The following MCCC2 variants were observed in gnomAD, a reference collection of about 807,000 sequenced individuals.
MCCC2 encodes methylcrotonoyl-CoA carboxylase beta chain, mitochondrial.
MCCC2 carries 52 observed loss-of-function variants against 77.2 expected under a neutral mutation model. The observed-to-expected ratio is 0.67, with a 90% CI of 0.54 to 0.85. The LOEUF (loss-of-function observed/expected upper bound fraction) is 0.85. Ranked by LOEUF, MCCC2 falls within the 40% of genes least tolerant of loss-of-function variation. MCCC2 has a pLI of 0.00. For missense variants in MCCC2, 682 were observed against 703.2 expected (o/e 0.97, Z 0.34); for synonymous variants, 253 against 248.4 (o/e 1.02, Z -0.18).
intron 4 of MCCC2, among the ~76,000 whole-genome samples, chr5:71,600,159 G>A (rs1401389068): frequency 6.6e-6 from 1 of 151,290 alleles, no homozygotes; most frequent in African/African-American, 2.4e-5. Flanking sequence ...GCAAGACTCC[G>A]TCTCAAAAAA....
intron 13 of MCCC2, among the ~76,000 whole-genome samples, chr5:71,646,518 T>C (rs766465551): frequency 1.3e-4 from 20 of 152,156 alleles, no homozygotes; most frequent in Non-Finnish European, 2.9e-4. Flanking sequence ...TGTGCCACCA[T>C]GCCTGGTTAA....
intron 11 of MCCC2, 37 bp from the exon 12 acceptor site, chr5:71,643,782 G>A (rs747334749): frequency 4.3e-6 from 7 of 1,613,904 alleles, no homozygotes; most frequent in Non-Finnish European, 5.9e-6. Flanking sequence ...CCTTGGAAAA[G>A]CACAAGACAT....
intron 14 of MCCC2, among the ~76,000 whole-genome samples, chr5:71,649,658 T>C (rs1313973589): frequency 6.6e-6 from 1 of 152,188 alleles, no homozygotes; most frequent in Non-Finnish European, 1.5e-5. Flanking sequence ...AAGGACATAA[T>C]GAAGAGCAGA....
rs556287668 is a variant in MCCC2, at chr5:71,602,775, T to C, written c.511+142T>C. Reference sequence around the variant, plus strand: ...GTAATTATAAAGGAAACACAGGTTCTTTGCTGAAAACTCTGGGGGAAAGTA... The same window carrying C: ...GTAATTATAAAGGAAACACAGGTTCCTTGCTGAAAACTCTGGGGGAAAGTA... On this transcript the variant is annotated intron_variant, in intron 5 of 16. Transcript: ENST00000340941. 15 of 1,266,700 alleles carry C rather than the reference T, an allele frequency of 1.2e-5. 1 individual carries two copies. In the South Asian group the frequency reaches 2.0e-4, roughly 17 times the overall value. The allele number at this position is 1,266,700 out of a possible 1,614,324, so 78.5% of individuals were successfully genotyped here. A position where few individuals can be genotyped will look rare whatever the true frequency, so the allele number is the denominator to read the frequency against.
intron 10 of MCCC2, among the ~76,000 whole-genome samples, chr5:71,640,048 T>C (rs868464757): frequency 3.9e-4 from 60 of 152,206 alleles, no homozygotes; most frequent in Non-Finnish European, 8.8e-5. Context: ...ATTGAAAATA[T>C]GCTTCCTGTT....
In MCCC2 at chr5:71,604,359, A is replaced by AT. The variant is rs587776533; in HGVS notation, c.517dup (p.Ser173PhefsTer25). 34 of 1,613,758 alleles carry AT rather than the reference A, an allele frequency of 2.1e-5. No individual in the cohort carries two copies. Among genetic ancestry groups the AT allele is most frequent in the Non-Finnish European group, 2.8e-5 (33 of 1,179,788 alleles). ...GTTTCTCATTTCTTGTCTTCAGTTG[A>AT]TTCGGGAGGAGCATACTTACCTCGA... On this transcript the variant is annotated frameshift_variant, in exon 6 of 17. Coordinates refer to ENST00000340941, the MANE Select transcript of MCCC2 (RefSeq NM_022132.5). LOFTEE classifies it high-confidence loss of function.
chr5:71,656,356 G>A (rs562989938), intron 16 of MCCC2, among the ~76,000 whole-genome samples: 32 of 152,312 alleles, frequency 2.1e-4, no homozygotes, highest in African/African-American at 7.0e-4. Flanking sequence ...CTGGGTATAT[G>A]TGGTTCTGCA....
chr5:71,588,462 A>C (rs1744846702), intron 1 of MCCC2, among the ~76,000 whole-genome samples: 1 of 152,210 alleles, frequency 6.6e-6, no homozygotes, highest in Non-Finnish European at 1.5e-5. Flanking sequence ...AGTGCAAACA[A>C]CACACAATTG....
intron 7 of MCCC2, among the ~76,000 whole-genome samples, chr5:71,631,803 G>A (rs779154899): frequency 1.3e-4 from 20 of 151,984 alleles, no homozygotes; most frequent in East Asian, 5.8e-4. Flanking sequence ...GCCTCCCAAA[G>A]TGCTGGGATT....
At chr5:71,656,603 T>C (rs1747587687) in intron 16 of MCCC2, 140 bp from the exon 17 acceptor site, 1 of 763,656 alleles carries the variant, frequency 1.3e-6, no homozygotes, top group Admixed American at 1.7e-5. Flanking sequence ...GTTTCTGTTG[T>C]GAGATTATGG....
intron 8 of MCCC2, among the ~76,000 whole-genome samples, chr5:71,632,739 G>A (rs1746763189): frequency 6.6e-6 from 1 of 152,108 alleles, no homozygotes; most frequent in Admixed American, 6.5e-5. Flanking sequence ...CTGATTTCAG[G>A]CTGCCAACAT....
At position 71,649,114 on chromosome 5, in the gene MCCC2, G is replaced by C; in HGVS notation, c.1234G>C (p.Glu412Gln). ...QNITGFMVGREYEAEGIAKDG... is the reference protein window; with the variant it reads ...QNITGFMVGRQYEAEGIAKDG... ...TCTCTCAGGATTTATGGTTGGTAGA[G>C]AGTATGAAGCTGAAGGAATTGCCAA... Residue 412 changes from glutamate to glutamine, a missense_variant, in exon 14 of 17, where the codon GAG (glutamate) becomes CAG (glutamine). By Grantham distance (29) the Glu-to-Gln change is conservative. Transcript: ENST00000340941. The C allele has an allele frequency of 1.2e-6, 2 of 1,614,252 alleles. No individual in the cohort carries two copies. Among genetic ancestry groups the C allele is most frequent in the Non-Finnish European group, 1.7e-6 (2 of 1,180,050 alleles).
chr5:71,639,491 G>T (rs933982969), intron 10 of MCCC2, among the ~76,000 whole-genome samples: 3 of 152,062 alleles, frequency 2.0e-5, no homozygotes, highest in Non-Finnish European at 4.4e-5. Context: ...GAACTGAAGA[G>T]AGTTAAGACC....
Position 71,604,483 on chromosome 5 carries a change from A to G in MCCC2, c.624+15A>G. 1.3e-6 allele frequency: 2 copies of G among 1,588,468 alleles called. No individual in the cohort carries two copies. ...ATATTGCACAGGTAATTTTTCATGA[A>G]TAAAGTGTACAGTGGTGCTTTTTAC... On this transcript the variant is annotated intron_variant, in intron 6 of 16. Transcript: ENST00000340941.
At position 71,587,522 on chromosome 5, in the gene MCCC2, A is replaced by G. The variant is rs1182092562; in HGVS notation, c.97A>G (p.Thr33Ala). 2.0e-6 allele frequency: 3 copies of G among 1,537,756 alleles called. No individual in the cohort carries two copies. In the African/African-American group the frequency reaches 4.1e-5, roughly 21 times the overall value. Reference sequence around the variant, plus strand: ...CGGGGACTCGGTGGCCTCGCTGGGCACCCAGCCGGACTTGGGCTCTGCCCT... The same window carrying G: ...CGGGGACTCGGTGGCCTCGCTGGGCGCCCAGCCGGACTTGGGCTCTGCCCT... Reference protein sequence around the residue: ...YHGDSVASLGTQPDLGSALYQ... With the variant: ...YHGDSVASLGAQPDLGSALYQ... Residue 33 changes from threonine to alanine, a missense_variant, in exon 1 of 17, where the codon ACC becomes GCC. Coordinates refer to ENST00000340941, the MANE Select transcript of MCCC2 (RefSeq NM_022132.5).
At position 71,610,276 on chromosome 5, in the gene MCCC2, C is replaced by T. The variant is rs924730304; in HGVS notation, c.624+5808C>T. Among the ~76,000 whole-genome samples the T allele has an allele frequency of 2.0e-5, 3 of 152,222 alleles. No individual in the cohort carries two copies. The South Asian group carries it at 6.2e-4, about 32-fold the overall frequency. The stretch of plus-strand genomic sequence containing the variant: ...TGCGGGATATAATCTCCTGGTGCGC[C>T]GTTTTTTAAGCTGGTCCGAAAAGCG... On this transcript the variant is annotated intron_variant, in intron 6 of 16. Transcript: ENST00000340941.
At chr5:71,622,057 G>A (rs1746367386) in intron 6 of MCCC2, among the ~76,000 whole-genome samples, 1 of 152,100 alleles carries the variant, frequency 6.6e-6, no homozygotes, top group Non-Finnish European at 1.5e-5. Context: ...CAAGGTGGGA[G>A]GATCGCTTGA....
intron 10 of MCCC2, among the ~76,000 whole-genome samples, chr5:71,638,470 G>C (rs978237821): frequency 3.3e-5 from 5 of 152,006 alleles, no homozygotes; most frequent in African/African-American, 1.2e-4. Flanking sequence ...GATTTACTTT[G>C]CCCAGATCTG....
Position 71,613,481 on chromosome 5 carries a change from C to T in MCCC2, c.624+9013C>T, listed in dbSNP as rs1351324516. On this transcript the variant is annotated intron_variant, in intron 6 of 16. Transcript: ENST00000340941. Reference sequence around the variant, plus strand: ...TGACTGAATGACTGTCTTCCTTTTACTTATTTTATTTTTGTTTTTTAAAAA... The same window carrying T: ...TGACTGAATGACTGTCTTCCTTTTATTTATTTTATTTTTGTTTTTTAAAAA... Among the ~76,000 whole-genome samples, 4 of 152,200 alleles carry T rather than the reference C, an allele frequency of 2.6e-5. No homozygotes were observed. The East Asian group carries it at 7.7e-4, about 29-fold the overall frequency.
Sources: gnomAD v4.1 joint callset for allele counts (sites outside exome capture counted in the v4.1 genomes callset) on GRCh38, gnomAD v4.1.1 for gene constraint, MANE v1.5 for transcripts, NCBI Gene and HGNC (gene_info 2026-07-23, HGNC 2026-07-21) for gene names.